The following MAPKAPK5 variants were observed in gnomAD, a reference collection of about 807,000 sequenced individuals.
MAPKAPK5 encodes MAPK activated protein kinase 5, also known as MAP kinase-activated protein kinase 5.
In MAPKAPK5, 30 loss-of-function variants were observed where a neutral mutation model predicts 65.1. That is an observed-to-expected ratio of 0.46 (90% CI 0.34 to 0.63). The LOEUF is 0.63. Among genes scored for constraint, MAPKAPK5 ranks in the 20% least tolerant of loss-of-function variants. MAPKAPK5 has a pLI of 0.01. For synonymous variants in MAPKAPK5, 179 were observed against 204.6 expected (o/e 0.87, Z 1.07); for missense variants, 433 against 581.4 (o/e 0.74, Z 2.63).
chr12:111,867,472 A>G (rs1016760807), intron 3 of MAPKAPK5, 100 bp from the exon 4 acceptor site: 1 of 757,970 alleles, frequency 1.3e-6, no homozygotes, highest in Admixed American at 2.2e-5. Flanking sequence ...TAAGTGATAA[A>G]GTTTTTATTG....
intron 10 of MAPKAPK5, chr12:111,888,240 C>T (rs113158526): frequency 6.5e-5 from 26 of 398,170 alleles, no homozygotes; most frequent in African/African-American, 2.3e-4. Flanking sequence ...ATTTCTTACT[C>T]GCATTTCTGT....
Position 111,850,426 on chromosome 12 carries a change from A to C in MAPKAPK5, c.36+7657A>C, listed in dbSNP as rs572344992. 2.0e-5 allele frequency among the ~76,000 whole-genome samples: 3 copies of C among 152,296 alleles called. No homozygotes were observed. In the South Asian group the frequency reaches 6.2e-4, roughly 32 times the overall value. On this transcript the variant is annotated intron_variant, in intron 1 of 13. Coordinates refer to ENST00000550735, the MANE Select transcript of MAPKAPK5 (RefSeq NM_003668.4). ...ATAGACTCTAATATTTTTCGAGAAA[A>C]AGTCATTGTGTCTTAAAAGGAAGGT...
intron 1 of MAPKAPK5, among the ~76,000 whole-genome samples, chr12:111,863,534 C>T (rs116123923): frequency 8.3e-4 from 126 of 151,772 alleles, no homozygotes; most frequent in African/African-American, 2.9e-3. Context: ...TACTAGCGAG[C>T]GGGATTCTTG....
rs149472394 is a variant in MAPKAPK5, at chr12:111,899,620, T to G, written c.*6559T>G. The G allele has an allele frequency of 7.3e-4, 190 of 259,214 alleles. 1 individual carries two copies. The highest frequency in any genetic ancestry group is 8.2e-4 in the East Asian group (9 of 10,982). 16.1% of individuals were successfully genotyped at this position (259,214 alleles called of 1,614,324 possible). ...CATCTGAAGGTGAAGAGAAACCATT[T>G]TGTGAATAACTTTCCAGTCTACAGT... On this transcript the variant is annotated 3_prime_UTR_variant, in exon 14 of 14. Transcript: ENST00000550735.
chr12:111,887,380 G>C (rs2070438035), intron 10 of MAPKAPK5, among the ~76,000 whole-genome samples: 1 of 152,110 alleles, frequency 6.6e-6, no homozygotes, highest in South Asian at 2.1e-4. Context: ...TCTTAAAAAT[G>C]AGGAGATAAG....
chr12:111,848,185 T>C (rs879729326), intron 1 of MAPKAPK5, among the ~76,000 whole-genome samples: 1 of 152,228 alleles, frequency 6.6e-6, no homozygotes, highest in Non-Finnish European at 1.5e-5. Context: ...GTTGTACCAT[T>C]ATACATTCCC....
intron 12 of MAPKAPK5, 139 bp downstream of exon 12, chr12:111,889,139 T>C (rs966601039): frequency 1.0e-6 from 1 of 959,130 alleles, no homozygotes; most frequent in Admixed American, 2.5e-5. Flanking sequence ...ATAAGAAAAG[T>C]ACATTATATA....
At chr12:111,866,112 C>G (rs574074886) in intron 2 of MAPKAPK5, 44 bp from the exon 3 acceptor site, 1 of 1,400,402 alleles carries the variant, frequency 7.1e-7, no homozygotes, top group East Asian at 2.3e-5. Flanking sequence ...AATTTTCATT[C>G]TAACATATAT....
Position 111,893,644 on chromosome 12 carries a change from T to G in MAPKAPK5, c.*583T>G, listed in dbSNP as rs913290332. 2.0e-5 allele frequency: 3 copies of G among 152,246 alleles called. No homozygotes were observed. Among genetic ancestry groups the G allele is most frequent in the African/African-American group, 7.2e-5 (3 of 41,434 alleles). 9.4% of individuals were successfully genotyped at this position (152,246 alleles called of 1,614,324 possible). A position where few individuals can be genotyped will look rare whatever the true frequency, so the allele number is the denominator to read the frequency against. On this transcript the variant is annotated 3_prime_UTR_variant, in exon 14 of 14. Transcript: ENST00000550735. ...AAGAGAAAAGCAGGAACATTTCCTTTTTGTCATATCTGTTAAAAGGGTACT... is the reference window on the plus strand; with the variant it reads ...AAGAGAAAAGCAGGAACATTTCCTTGTTGTCATATCTGTTAAAAGGGTACT...
intron 7 of MAPKAPK5, among the ~76,000 whole-genome samples, chr12:111,874,462 T>G (rs1325509961): frequency 6.6e-6 from 1 of 150,738 alleles, no homozygotes; most frequent in Non-Finnish European, 1.5e-5. Flanking sequence ...TTTGTTTGTT[T>G]GTTTTGGGTT....
In MAPKAPK5 at chr12:111,897,840, C is replaced by CT. The variant is rs1001155966; in HGVS notation, c.*4780dup. The CT allele has an allele frequency of 2.6e-4, 40 of 151,840 alleles. 3 individuals are homozygous for CT. The highest frequency in any genetic ancestry group is 7.4e-5 in the Non-Finnish European group (5 of 67,966). The allele number at this position is 151,840 out of a possible 1,614,324, so 9.4% of individuals were successfully genotyped here. ...ATTACATTCCTTTCTGTAGTCGTAT[C>CT]TCATATTTGAAAGGTCTCATGTTGT... On this transcript the variant is annotated 3_prime_UTR_variant, in exon 14 of 14. Transcript: ENST00000550735.
At chr12:111,885,601 G>A in intron 9 of MAPKAPK5, 1 of 236,582 alleles carries the variant, frequency 4.2e-6, no homozygotes, top group Middle Eastern at 1.4e-3. Flanking sequence ...ACCTCAGTAT[G>A]GAGATTCAAG....
rs1272939292 is a variant in MAPKAPK5 at position 111,883,781 on chromosome 12, G to A, written c.848+13G>A. ...ATGTTGTGAGGAAGTGAGTTCACGG[G>A]CTGCTGGGCATGGAGGCCAAGGAGG... On this transcript the variant is annotated intron_variant, in intron 9 of 13. Coordinates refer to ENST00000550735, the MANE Select transcript of MAPKAPK5 (RefSeq NM_003668.4). The surrounding 1 kb of genome is among the most constrained non-coding windows in gnomAD (Gnocchi z 4.8). 2.5e-6 allele frequency: 4 copies of A among 1,610,624 alleles called. No homozygotes were observed. The highest frequency in any genetic ancestry group is 3.4e-6 in the Non-Finnish European group (4 of 1,178,554).
chr12:111,876,452 A>G (rs964849479), intron 7 of MAPKAPK5, among the ~76,000 whole-genome samples: 1 of 151,838 alleles, frequency 6.6e-6, no homozygotes, highest in African/African-American at 2.4e-5. Context: ...GTACCCCTGA[A>G]CCCAAAATAA....
rs1303167714 is a variant in MAPKAPK5 at position 111,852,618 on chromosome 12, G to A, written c.36+9849G>A. ...GTGCAGATTTTTGACTGCCCAGGGTGTCAGTGCCCTTAACCTTCACGTTGT... is the reference window on the plus strand; with the variant it reads ...GTGCAGATTTTTGACTGCCCAGGGTATCAGTGCCCTTAACCTTCACGTTGT... On this transcript the variant is annotated intron_variant, in intron 1 of 13. Coordinates refer to ENST00000550735, the MANE Select transcript of MAPKAPK5 (RefSeq NM_003668.4). Among the ~76,000 whole-genome samples, 5 of 152,154 alleles carry A rather than the reference G, an allele frequency of 3.3e-5. No homozygotes were observed. In the East Asian group the frequency reaches 9.6e-4, roughly 29 times the overall value.
intron 12 of MAPKAPK5, 28 bp downstream of exon 12, chr12:111,889,028 CTGTG>C (rs993727586): frequency 3.9e-6 from 6 of 1,553,772 alleles, no homozygotes; most frequent in South Asian, 1.2e-5. Flanking sequence ...TACTAATCCT[CTGTG>C]TGTCTGTGAG....
chr12:111,874,329 A>G (rs2069881921), intron 7 of MAPKAPK5, among the ~76,000 whole-genome samples: 1 of 151,526 alleles, frequency 6.6e-6, no homozygotes, highest in Non-Finnish European at 1.5e-5. Context: ...TGGGAGGTGG[A>G]GGCTGCAGTT....
intron 1 of MAPKAPK5, among the ~76,000 whole-genome samples, chr12:111,856,155 G>T (rs185928935): frequency 5.3e-5 from 8 of 151,812 alleles, no homozygotes; most frequent in Admixed American, 5.2e-4. Flanking sequence ...GTGTCCAGTC[G>T]TGTTGTTTAA....
chr12:111,887,058 TG>T (rs1302846985), intron 10 of MAPKAPK5, among the ~76,000 whole-genome samples: 1 of 152,178 alleles, frequency 6.6e-6, no homozygotes, highest in Admixed American at 6.5e-5. Flanking sequence ...TTTTAGATAT[TG>T]TTTGAGATGG....
Sources: allele counts gnomAD v4.1 joint callset (sites outside exome capture counted in the v4.1 genomes callset), GRCh38; gene constraint gnomAD v4.1.1; non-coding constraint Gnocchi (gnomAD v3.1); transcripts MANE v1.5; gene names NCBI Gene and HGNC (gene_info 2026-07-23, HGNC 2026-07-21).